The following GSE1 variants were observed in gnomAD, a reference collection of about 807,000 sequenced individuals.
The protein encoded by GSE1 is genetic suppressor element 1.
In GSE1, 32 loss-of-function variants were observed where a neutral mutation model predicts 112.6. The observed-to-expected ratio is 0.28, with a 90% CI of 0.21 to 0.38. GSE1 has a LOEUF of 0.38. Among genes scored for constraint, GSE1 ranks in the 10% least tolerant of loss-of-function variants. GSE1 has a pLI of 1.00. For missense variants in GSE1, 2,348 were observed against 1,699.2 expected (o/e 1.38, Z -6.71); for synonymous variants, 1,115 against 735.6 (o/e 1.52, Z -8.35).
intron 2 of GSE1, among the ~76,000 whole-genome samples, chr16:85,388,751 G>C (rs766067396): frequency 6.6e-6 from 1 of 152,136 alleles, no homozygotes; most frequent in Non-Finnish European, 1.5e-5. Flanking sequence ...AGGAAGGAAA[G>C]ATGGAAAAAG....
chr16:85,184,962 A>G (rs570066370), intron 1 of GSE1, among the ~76,000 whole-genome samples: 2 of 152,342 alleles, frequency 1.3e-5, no homozygotes, highest in South Asian at 4.1e-4. Flanking sequence ...GCAGTGTTCA[A>G]ATTGTCTAGG....
chr16:85,263,905 C>T (rs6564113), intron 1 of GSE1, among the ~76,000 whole-genome samples: 59,757 of 151,992 alleles, frequency 0.39, 12,325 homozygotes, highest in African/African-American at 0.52. Context: ...CATTCCAGGT[C>T]TCCTCTGCCG....
rs910888338 is a variant in GSE1 at position 85,656,711 on chromosome 16, C to G, written c.1312+46C>G. 5 of 1,448,516 alleles carry G rather than the reference C, an allele frequency of 3.5e-6. No homozygotes were observed. In the African/African-American group the frequency reaches 4.3e-5, roughly 12 times the overall value. The allele number at this position is 1,448,516 out of a possible 1,614,324, so 89.7% of individuals were successfully genotyped here. On this transcript the variant is annotated intron_variant, in intron 7 of 15. Transcript: ENST00000253458. ...TGTGCTGGGCAAGGTCTCAGCCACCCGCGGGGAGGAGCCCTGAATCGCAGC... is the reference window on the plus strand; with the variant it reads ...TGTGCTGGGCAAGGTCTCAGCCACCGGCGGGGAGGAGCCCTGAATCGCAGC...
At chr16:85,251,543 A>G (rs1906483983) in intron 1 of GSE1, among the ~76,000 whole-genome samples, 1 of 152,222 alleles carries the variant, frequency 6.6e-6, no homozygotes, top group African/African-American at 2.4e-5. Context: ...CGCCTGACCC[A>G]GAAACCAGAC....
chr16:85,512,551 A>G (rs2051783388), intron 2 of GSE1, among the ~76,000 whole-genome samples: 1 of 152,146 alleles, frequency 6.6e-6, no homozygotes, highest in Non-Finnish European at 1.5e-5. Flanking sequence ...TGCTTTTGAT[A>G]TGTGTGGTGT....
At position 85,655,768 on chromosome 16, in the gene GSE1, C is replaced by A. The variant is rs771431123; in HGVS notation, c.840C>A (p.Phe280Leu). 6.8e-5 allele frequency: 109 copies of A among 1,610,072 alleles called. No homozygotes were observed. Among genetic ancestry groups the A allele is most frequent in the Admixed American group, 1.5e-4 (9 of 59,886 alleles). Residue 280 changes from phenylalanine to leucine, a missense_variant, in exon 6 of 16, where the codon TTC (phenylalanine) becomes TTA (leucine). By Grantham distance (22) the Phe-to-Leu change is conservative. Coordinates refer to ENST00000253458, the MANE Select transcript of GSE1 (RefSeq NM_014615.5). ...GCCTGTCTGCCCTGAGGTCCCCGTT[C>A]TACCCCATCCCCACCCCCGGCTCCC... ...SYCLSALRSP[F>L]YPIPTPGSLP...
intron 5 of GSE1, among the ~76,000 whole-genome samples, chr16:85,655,238 G>C (rs577245974): frequency 4.6e-5 from 7 of 152,116 alleles, no homozygotes; most frequent in African/African-American, 1.7e-4. Context: ...CCTTCTCACC[G>C]GGGGGTCCAT....
At chr16:85,262,543 G>A (rs1015916796) in intron 1 of GSE1, among the ~76,000 whole-genome samples, 1 of 152,214 alleles carries the variant, frequency 6.6e-6, no homozygotes, top group Admixed American at 6.5e-5. Flanking sequence ...GATTTCTAGG[G>A]TAACGGTTTC....
Position 85,451,694 on chromosome 16 carries a change from TGCTGGTGGTTGGTGCGTGC to T in GSE1, c.2464+94061_2464+94079del, listed in dbSNP as rs1438952229. Among the ~76,000 whole-genome samples, 2 of 65,140 alleles carry T rather than the reference TGCTGGTGGTTGGTGCGTGC, an allele frequency of 3.1e-5. 1 individual carries two copies. Among genetic ancestry groups the T allele is most frequent in the East Asian group, 1.4e-3 (2 of 1,452 alleles). The allele number at this position is 65,140 out of a possible 152,430, so 42.7% of individuals were successfully genotyped here. On this transcript the variant is annotated intron_variant, in intron 2 of 2. Coordinates refer to the GSE1 transcript ENST00000637419. ...GTGCGCTGGTGGTGGTTGGTGTGTG[TGCTGGTGGTTGGTGCGTGC>T]GCTGGTGGTGGTTGGTGTGTGTGCT... is the stretch of plus-strand genomic sequence containing the variant.
chr16:85,393,076 T>C (rs1286718478), intron 2 of GSE1, among the ~76,000 whole-genome samples: 2 of 152,134 alleles, frequency 1.3e-5, no homozygotes, highest in African/African-American at 2.4e-5. Flanking sequence ...CCTGCAGTCG[T>C]TGCTTCTCAC....
intron 2 of GSE1, among the ~76,000 whole-genome samples, chr16:85,440,526 C>T (rs2049350589): frequency 6.6e-6 from 1 of 152,226 alleles, no homozygotes; most frequent in South Asian, 2.1e-4. Context: ...ACACCCACCC[C>T]AGAATGAGGA....
chr16:85,179,502 G>C (rs888710681), intron 1 of GSE1, among the ~76,000 whole-genome samples: 18 of 152,196 alleles, frequency 1.2e-4, no homozygotes, highest in African/African-American at 4.3e-4. Flanking sequence ...TTTCTCTTGA[G>C]TGTGCGCCTG....
At chr16:85,515,653 C>T (rs1405030963) in intron 2 of GSE1, among the ~76,000 whole-genome samples, 8 of 113,382 alleles carry the variant, frequency 7.1e-5, no homozygotes, top group South Asian at 2.7e-4. Flanking sequence ...GCGTGGAGGG[C>T]GGGGGCTGGA....
intron 1 of GSE1, among the ~76,000 whole-genome samples, chr16:85,354,470 G>A (rs1322613590): frequency 6.6e-6 from 1 of 152,238 alleles, no homozygotes; most frequent in Non-Finnish European, 1.5e-5. Context: ...GTTGAGTGGA[G>A]GGTGAGCCTC....
intron 1 of GSE1, among the ~76,000 whole-genome samples, chr16:85,252,618 A>G: frequency 6.6e-6 from 1 of 152,218 alleles, no homozygotes; most frequent in Non-Finnish European, 1.5e-5. Context: ...TTGTCAGAGC[A>G]GGAAGAGGCT....
At chr16:85,253,151 C>T (rs895376807) in intron 1 of GSE1, among the ~76,000 whole-genome samples, 4 of 148,588 alleles carry the variant, frequency 2.7e-5, no homozygotes, top group Non-Finnish European at 5.9e-5. Flanking sequence ...GCATATGCCA[C>T]GCGGGAATGA....
At chr16:85,409,178 G>C (rs560279843) in intron 2 of GSE1, among the ~76,000 whole-genome samples, 15 of 10,528 alleles carry the variant, frequency 1.4e-3, no homozygotes, top group African/African-American at 3.0e-3. Flanking sequence ...ACTCTCAGGC[G>C]CCCCGGATAA....
At chr16:85,497,952 G>C (rs1238299080) in intron 2 of GSE1, among the ~76,000 whole-genome samples, 4 of 152,092 alleles carry the variant, frequency 2.6e-5, no homozygotes, top group African/African-American at 9.7e-5. Flanking sequence ...TTTACCAGAA[G>C]TCTGTCAGCT....
intron 2 of GSE1, among the ~76,000 whole-genome samples, chr16:85,529,702 T>C (rs923983647): frequency 1.3e-5 from 2 of 152,244 alleles, no homozygotes; most frequent in South Asian, 2.1e-4. Flanking sequence ...GGAGGCCTGT[T>C]TGGGGGTAGG....
Sources: gnomAD v4.1 joint callset for allele counts (sites outside exome capture counted in the v4.1 genomes callset) on GRCh38, gnomAD v4.1.1 for gene constraint, MANE v1.5 for transcripts, NCBI Gene and HGNC (gene_info 2026-07-23, HGNC 2026-07-21) for gene names.